The following ATAD2 variants were observed in gnomAD, a reference collection of about 807,000 sequenced individuals.
ATAD2 encodes ATPase family AAA domain-containing protein 2.
A neutral mutation model predicts 168.9 loss-of-function variants in ATAD2; 62 were observed. That is an observed-to-expected ratio of 0.37 (90% CI 0.30 to 0.45). The LOEUF is 0.45. Ranked by LOEUF, ATAD2 falls within the 20% of genes least tolerant of loss-of-function variation. The pLI is 1.00. For missense variants in ATAD2, 1,419 were observed against 1,667.8 expected (o/e 0.85, Z 2.60); for synonymous variants, 613 against 571.6 (o/e 1.07, Z -1.03).
intron 24 of ATAD2, among the ~76,000 whole-genome samples, chr8:123,331,672 T>G (rs1827776675): frequency 1.3e-5 from 2 of 152,250 alleles, no homozygotes; most frequent in South Asian, 4.1e-4. Flanking sequence ...GTTATGACTT[T>G]CTCTGCTTCT....
At chr8:123,346,907 C>A (rs1317508665) in intron 16 of ATAD2, among the ~76,000 whole-genome samples, 157 bp from the exon 17 acceptor site, 1 of 152,054 alleles carries the variant, frequency 6.6e-6, no homozygotes, top group East Asian at 1.9e-4. Flanking sequence ...AAAATGCACC[C>A]CAAACTTACA....
At chr8:123,333,344 C>T (rs1052943886) in intron 24 of ATAD2, among the ~76,000 whole-genome samples, 33 of 134,952 alleles carry the variant, frequency 2.4e-4, no homozygotes, top group Non-Finnish European at 1.1e-4. Context: ...CGGGACGCAG[C>T]GGTTGCAGTG....
chr8:123,364,632 A>C (rs1828918186), intron 8 of ATAD2, among the ~76,000 whole-genome samples: 1 of 152,236 alleles, frequency 6.6e-6, no homozygotes, highest in South Asian at 2.1e-4. Context: ...TACTCAAGTC[A>C]ATAAATGTGA....
In ATAD2 at chr8:123,328,410, TCCGGTCTCA is replaced by T; in HGVS notation, c.3639_3647del (p.Asn1213_Gly1216delinsLys). 1 of 1,592,274 alleles carries T rather than the reference TCCGGTCTCA, an allele frequency of 6.3e-7. No individual in the cohort carries two copies. Among genetic ancestry groups the T allele is most frequent in the Admixed American group, 1.7e-5 (1 of 57,656 alleles). ...CTTCCACCGAAGACTCTCCTGTGTT[TCCGGTCTCA>T]TTATGATCTACACTTGTGTCTTGAG... On this transcript the variant is annotated inframe_deletion, in exon 25 of 28. Transcript: ENST00000287394.
intron 5 of ATAD2, 38 bp downstream of exon 5, chr8:123,371,198 G>A (rs753781265): frequency 2.0e-6 from 3 of 1,488,512 alleles, no homozygotes; most frequent in East Asian, 2.3e-5. Flanking sequence ...AATTAAACTG[G>A]ATATTAAATC....
intron 1 of ATAD2, among the ~76,000 whole-genome samples, chr8:123,384,120 TAAAG>T (rs941614648): frequency 6.6e-6 from 1 of 151,214 alleles, no homozygotes; most frequent in African/African-American, 2.4e-5. Flanking sequence ...ACTGAATGAC[TAAAG>T]AAAGGCAACA....
At chr8:123,413,235 C>A (rs948816936) in intron 1 of ATAD2, among the ~76,000 whole-genome samples, 14 of 135,590 alleles carry the variant, frequency 1.0e-4, no homozygotes, top group East Asian at 6.9e-4. Context: ...CCCCCCCCCC[C>A]CCAACTCCTC....
chr8:123,328,398 C>T lies in ATAD2; in HGVS notation c.3660G>A (p.Glu1220=). 5.7e-6 allele frequency: 9 copies of T among 1,579,382 alleles called. No homozygotes were observed. The highest frequency in any genetic ancestry group is 4.7e-5 in the South Asian group (4 of 84,526). ...VDHNETGNTG[E]SSVEENEKQQ... is the part of the protein sequence containing the mutation. Reference sequence around the variant, plus strand: ...GTTTTTCATTTTCTTCCACCGAAGACTCTCCTGTGTTTCCGGTCTCATTAT... The same window carrying T: ...GTTTTTCATTTTCTTCCACCGAAGATTCTCCTGTGTTTCCGGTCTCATTAT... The change falls in exon 25 of 28, where the codon GAG becomes GAA. Residue 1220 remains glutamate (E), a synonymous_variant. Coordinates refer to ENST00000287394, the MANE Select transcript of ATAD2 (RefSeq NM_014109.4).
At chr8:123,392,712 T>C (rs1024985355) in intron 1 of ATAD2, among the ~76,000 whole-genome samples, 9 of 152,096 alleles carry the variant, frequency 5.9e-5, no homozygotes, top group Non-Finnish European at 1.2e-4. Context: ...GGCCCTGGTA[T>C]TAAAGAAGCA....
At chr8:123,353,580 A>G (rs1346462756) in intron 13 of ATAD2, among the ~76,000 whole-genome samples, 1 of 147,198 alleles carries the variant, frequency 6.8e-6, no homozygotes, top group African/African-American at 2.5e-5. Flanking sequence ...TTTTTTTTTT[A>G]TTGCTTTCAG....
chr8:123,415,297 T>C (rs577357550), intron 1 of ATAD2, among the ~76,000 whole-genome samples: 1 of 152,364 alleles, frequency 6.6e-6, no homozygotes, highest in South Asian at 2.1e-4. Flanking sequence ...AGAGTTGTTA[T>C]ATAGCATAGA....
intron 19 of ATAD2, chr8:123,342,392 G>C (rs1284736877): frequency 6.6e-6 from 1 of 152,066 alleles, no homozygotes; most frequent in Non-Finnish European, 1.5e-5. Context: ...GAAATGAATG[G>C]AGATTAAGAA....
intron 1 of ATAD2, among the ~76,000 whole-genome samples, chr8:123,403,289 G>A (rs922987577): frequency 6.6e-6 from 1 of 151,966 alleles, no homozygotes; most frequent in Non-Finnish European, 1.5e-5. Flanking sequence ...TCGTGGAGAC[G>A]GGGTTTTGCC....
At position 123,359,203 on chromosome 8, in the gene ATAD2, A is replaced by G; in HGVS notation, c.1382+18T>C. The G allele has an allele frequency of 6.6e-7, 1 of 1,521,750 alleles. No homozygotes were observed. Among genetic ancestry groups the G allele is most frequent in the Non-Finnish European group, 9.0e-7 (1 of 1,116,698 alleles). The allele number at this position is 1,521,750 out of a possible 1,614,324, so 94.3% of individuals were successfully genotyped here. ...TAGCAAAGATTTTCAGCTAAAATTA[A>G]AAATATAATTAAATTACCTTGGGGG... On this transcript the variant is annotated intron_variant, in intron 11 of 27. Transcript: ENST00000287394.
intron 1 of ATAD2, among the ~76,000 whole-genome samples, chr8:123,412,635 G>GTGT (rs1197025722): frequency 6.6e-6 from 1 of 151,632 alleles, no homozygotes; most frequent in Non-Finnish European, 1.5e-5. Flanking sequence ...GGGTCTTGCT[G>GTGT]TGTTGCTTAG....
chr8:123,335,389 T>C (rs1827887377), intron 22 of ATAD2, among the ~76,000 whole-genome samples: 1 of 152,194 alleles, frequency 6.6e-6, no homozygotes, highest in Non-Finnish European at 1.5e-5. Context: ...AGGGAAAGAA[T>C]AGTAAGCTTT....
At position 123,321,294 on chromosome 8, in the gene ATAD2, T is replaced by C. The variant is rs1188435691; in HGVS notation, c.4132-119A>G. On this transcript the variant is annotated intron_variant, in intron 27 of 27. Coordinates refer to ENST00000287394, the MANE Select transcript of ATAD2 (RefSeq NM_014109.4). Reference sequence around the variant, plus strand: ...TATTAATATTCAGGTATATATTTGATAGTGAAAATAAACATTCAGTTCAGT... The same window carrying C: ...TATTAATATTCAGGTATATATTTGACAGTGAAAATAAACATTCAGTTCAGT... 3.1e-5 allele frequency: 27 copies of C among 863,554 alleles called. No homozygotes were observed. The East Asian group carries it at 7.3e-4, about 23-fold the overall frequency. The allele number at this position is 863,554 out of a possible 1,614,324, so 53.5% of individuals were successfully genotyped here. A position where few individuals can be genotyped will look rare whatever the true frequency, so the allele number is the denominator to read the frequency against.
Position 123,404,565 on chromosome 8 carries a change from CTT to C in ATAD2, c.-2281-3392_-2281-3391del, listed in dbSNP as rs573902645. ...TCAAGTCTCTCCCCACTTTCTCTCT[CTT>C]TTTTTTTTTTTTCTTTTGAGATGGA... is the stretch of plus-strand genomic sequence containing the variant. On this transcript the variant is annotated intron_variant, in intron 1 of 28. Coordinates refer to the ATAD2 transcript ENST00000521903. Among the ~76,000 whole-genome samples the C allele has an allele frequency of 4.7e-4, 67 of 142,898 alleles. 1 individual carries two copies. The highest frequency in any genetic ancestry group is 7.0e-5 in the Admixed American group (1 of 14,374). 93.7% of individuals were successfully genotyped at this position (142,898 alleles called of 152,430 possible).
intron 8 of ATAD2, among the ~76,000 whole-genome samples, chr8:123,366,962 T>C (rs1197020897): frequency 1.3e-5 from 2 of 151,646 alleles, no homozygotes; most frequent in Middle Eastern, 6.8e-3. Flanking sequence ...GGAAAATGTT[T>C]CCTAAATTTG....
Sources: allele counts gnomAD v4.1 joint callset (sites outside exome capture counted in the v4.1 genomes callset), GRCh38; gene constraint gnomAD v4.1.1; transcripts MANE v1.5; gene names NCBI Gene and HGNC (gene_info 2026-07-23, HGNC 2026-07-21).